The following L3MBTL4 variants were observed in gnomAD, a reference collection of about 807,000 sequenced individuals.
L3MBTL4 encodes the protein L3MBTL histone methyl-lysine binding protein 4.
A neutral mutation model predicts 84.5 loss-of-function variants in L3MBTL4; 70 were observed. The observed-to-expected ratio is 0.83, with a 90% CI of 0.68 to 1.01. L3MBTL4 has a LOEUF of 1.01. Ranked by LOEUF, L3MBTL4 falls within the 50% of genes least tolerant of loss-of-function variation. The pLI, the probability that L3MBTL4 is intolerant of heterozygous loss-of-function variation, is 0.00. For missense variants in L3MBTL4, 715 were observed against 754.8 expected (o/e 0.95, Z 0.62); for synonymous variants, 274 against 259.8 (o/e 1.05, Z -0.52).
At chr18:6,243,490 A>G in intron 6 of L3MBTL4, 61 bp from the exon 7 acceptor site, 4 of 1,375,550 alleles carry the variant, frequency 2.9e-6, no homozygotes, top group South Asian at 3.2e-5. Flanking sequence ...TAGACACAAA[A>G]TTCACAAAAT....
At chr18:6,027,231 T>C (rs961843217) in intron 16 of L3MBTL4, among the ~76,000 whole-genome samples, 1 of 152,126 alleles carries the variant, frequency 6.6e-6, no homozygotes, top group African/African-American at 2.4e-5. Flanking sequence ...TTCCCCTCCC[T>C]GTGTCCATGT....
At position 5,954,793 on chromosome 18, in the gene L3MBTL4, A is replaced by G. The variant is rs973335263; in HGVS notation, c.*1427T>C. 8 of 144,564 alleles carry G rather than the reference A, an allele frequency of 5.5e-5. No homozygotes were observed. In the East Asian group the frequency reaches 1.7e-3, roughly 30 times the overall value. 9.0% of individuals were successfully genotyped at this position (144,564 alleles called of 1,614,324 possible). On this transcript the variant is annotated 3_prime_UTR_variant, in exon 19 of 19. Coordinates refer to ENST00000317931, the MANE Select transcript of L3MBTL4 (RefSeq NM_001330559.2). Reference sequence around the variant, plus strand: ...GCAGAAGCAGGAATTTTACTTGCACATGGCAGTCTACAAAAAGCAAAACAA... The same window carrying G: ...GCAGAAGCAGGAATTTTACTTGCACGTGGCAGTCTACAAAAAGCAAAACAA...
At chr18:6,081,060 T>C (rs1218148499) in intron 15 of L3MBTL4, 109 bp from the exon 16 acceptor site, 2 of 726,806 alleles carry the variant, frequency 2.8e-6, no homozygotes, top group African/African-American at 1.8e-5. Context: ...CAATAGTGAA[T>C]TGGCAGGTAT....
chr18:6,195,591 G>T (rs2045339639), intron 12 of L3MBTL4, among the ~76,000 whole-genome samples: 1 of 152,300 alleles, frequency 6.6e-6, no homozygotes, highest in Non-Finnish European at 1.5e-5. Flanking sequence ...TCTGCAAACA[G>T]CACACTCAGA....
intron 16 of L3MBTL4, among the ~76,000 whole-genome samples, chr18:6,021,370 TG>T (rs2055247447): frequency 6.6e-6 from 1 of 152,208 alleles, no homozygotes; most frequent in Non-Finnish European, 1.5e-5. Flanking sequence ...TGGGAGGCAC[TG>T]CCAATAAATA....
intron 12 of L3MBTL4, among the ~76,000 whole-genome samples, chr18:6,196,215 T>C (rs998842828): frequency 1.3e-5 from 2 of 149,062 alleles, no homozygotes; most frequent in African/African-American, 5.1e-5. Flanking sequence ...TGTACTGCAG[T>C]GGCATGATCT....
At chr18:6,365,382 C>T (rs341185) in intron 1 of L3MBTL4, among the ~76,000 whole-genome samples, 55,513 of 152,018 alleles carry the variant, frequency 0.37, 10,214 homozygotes, top group Middle Eastern at 0.5. Context: ...ACTTTATGAA[C>T]TCAAGAAGAA....
At chr18:6,271,144 G>A (rs1236098999) in intron 4 of L3MBTL4, among the ~76,000 whole-genome samples, 1 of 152,092 alleles carries the variant, frequency 6.6e-6, no homozygotes, top group African/African-American at 2.4e-5. Context: ...GTTTGTTTTT[G>A]TTTTTGTTTG....
intron 16 of L3MBTL4, among the ~76,000 whole-genome samples, chr18:5,976,403 T>A (rs759255707): frequency 6.6e-6 from 1 of 152,236 alleles, no homozygotes; most frequent in Non-Finnish European, 1.5e-5. Context: ...TCTGCTGGGA[T>A]GGTGTGTGTC....
chr18:6,093,537 T>C lies in L3MBTL4; in HGVS notation c.1200-9A>G, dbSNP rs1043649242. Reference sequence around the variant, plus strand: ...ACGGGCAGCCAAAAGCACTGGTTTGTATAAAAATGAGAGCACAGTCATCAG... The same window carrying C: ...ACGGGCAGCCAAAAGCACTGGTTTGCATAAAAATGAGAGCACAGTCATCAG... On this transcript the variant is annotated splice_polypyrimidine_tract_variant and intron_variant, in intron 14 of 18. Coordinates refer to ENST00000317931, the MANE Select transcript of L3MBTL4 (RefSeq NM_001330559.2). 5 of 1,609,008 alleles carry C rather than the reference T, an allele frequency of 3.1e-6. No individual in the cohort carries two copies. The highest frequency in any genetic ancestry group is 3.4e-6 in the Non-Finnish European group (4 of 1,178,496).
In L3MBTL4 at chr18:6,215,824, G is replaced by C. The variant is rs771502153; in HGVS notation, c.796C>G (p.Pro266Ala). 2 of 1,590,976 alleles carry C rather than the reference G, an allele frequency of 1.3e-6. No homozygotes were observed. The highest frequency in any genetic ancestry group is 3.4e-5 in the Admixed American group (2 of 58,336). Reference protein sequence around the residue: ...TLIAPQGYPNPENFSWTEYLE... With the variant: ...TLIAPQGYPNAENFSWTEYLE... ...TATTCTGTCCAGGAAAAATTTTCTG[G>C]ATTGGGATAACCTGAAAATATATAT... Residue 266 changes from proline (P) to alanine (A), a missense_variant, in exon 11 of 19, where the codon CCA becomes GCA. By Grantham distance (27) the Pro-to-Ala change is conservative (BLOSUM62 -1). Transcript: ENST00000317931.
chr18:6,142,969 C>T (rs142963706), intron 13 of L3MBTL4, among the ~76,000 whole-genome samples: 2 of 152,110 alleles, frequency 1.3e-5, no homozygotes, highest in African/African-American at 4.8e-5. Flanking sequence ...AGAAAAGAAA[C>T]ATATAGTATA....
chr18:6,408,319 A>G (rs2055820483), intron 1 of L3MBTL4, among the ~76,000 whole-genome samples: 1 of 152,178 alleles, frequency 6.6e-6, no homozygotes. Flanking sequence ...AAATAAGAAA[A>G]AACAATCTAA....
intron 13 of L3MBTL4, among the ~76,000 whole-genome samples, chr18:6,155,951 C>T (rs755992826): frequency 2.6e-5 from 4 of 152,002 alleles, no homozygotes; most frequent in Non-Finnish European, 5.9e-5. Flanking sequence ...AAAACTATGA[C>T]GTATTTTTAA....
chr18:6,310,436 A>G (rs1437287153), intron 3 of L3MBTL4, among the ~76,000 whole-genome samples: 1 of 152,194 alleles, frequency 6.6e-6, no homozygotes, highest in African/African-American at 2.4e-5. Context: ...CTTGGCACAG[A>G]CCTATTCTGA....
At chr18:6,201,078 G>A (rs1002849811) in intron 12 of L3MBTL4, among the ~76,000 whole-genome samples, 6 of 152,232 alleles carry the variant, frequency 3.9e-5, no homozygotes, top group Admixed American at 6.5e-5. Flanking sequence ...AAGAGTACTC[G>A]GGTAATCAAG....
intron 16 of L3MBTL4, among the ~76,000 whole-genome samples, chr18:5,992,235 T>A (rs1397845375): frequency 6.6e-6 from 1 of 152,148 alleles, no homozygotes; most frequent in African/African-American, 2.4e-5. Context: ...AGGTTTGAGC[T>A]GGGCCCTCAG....
intron 10 of L3MBTL4, among the ~76,000 whole-genome samples, chr18:6,217,223 T>C (rs1396162777): frequency 6.6e-6 from 1 of 152,134 alleles, no homozygotes; most frequent in African/African-American, 2.4e-5. Context: ...CAGACACAGA[T>C]CTAAACCAGG....
intron 14 of L3MBTL4, among the ~76,000 whole-genome samples, chr18:6,107,869 T>G (rs190015978): frequency 7.9e-5 from 12 of 152,312 alleles, no homozygotes; most frequent in Non-Finnish European, 4.4e-5. Context: ...ATCTATTTAA[T>G]ATTGCCTGGA....
Sources: gnomAD v4.1 joint callset for allele counts (sites outside exome capture counted in the v4.1 genomes callset) on GRCh38, gnomAD v4.1.1 for gene constraint, MANE v1.5 for transcripts, NCBI Gene and HGNC (gene_info 2026-07-23, HGNC 2026-07-21) for gene names.